The following CNKSR1 variants were observed in gnomAD, a reference collection of about 807,000 sequenced individuals.
CNKSR1 encodes the protein connector enhancer of kinase suppressor of Ras 1, also known as CNK homolog protein 1.
A neutral mutation model predicts 95.6 loss-of-function variants in CNKSR1; 88 were observed. The ratio of observed to expected loss-of-function variants is 0.92; its 90% CI spans 0.78 to 1.10. The LOEUF (loss-of-function observed/expected upper bound fraction) is 1.10. Among genes scored for constraint, CNKSR1 ranks in the 50% least tolerant of loss-of-function variants. The pLI is 0.00. For synonymous variants in CNKSR1, 355 were observed against 369.7 expected (o/e 0.96, Z 0.46); for missense variants, 836 against 912.0 (o/e 0.92, Z 1.07).
intron 14 of CNKSR1, among the ~76,000 whole-genome samples, chr1:26,185,830 C>T (rs922983794): frequency 2.0e-5 from 3 of 152,018 alleles, no homozygotes; most frequent in African/African-American, 4.8e-5. Flanking sequence ...CACATCTGGC[C>T]GAAAAATCAC....
intron 3 of CNKSR1, 164 bp downstream of exon 3, chr1:26,181,060 A>G: frequency 2.5e-6 from 2 of 803,090 alleles, no homozygotes; most frequent in Non-Finnish European, 4.1e-6. Context: ...CGGGCAGATC[A>G]CTTGAGGTCA....
intron 3 of CNKSR1, 150 bp downstream of exon 3, chr1:26,181,046 G>A (rs368108729): frequency 7.3e-5 from 66 of 897,992 alleles, no homozygotes; most frequent in East Asian, 3.7e-4. Context: ...TTGGGAGGCC[G>A]AAGCGGGCAG....
intron 3 of CNKSR1, chr1:26,181,596 A>C (rs953693734): frequency 6.7e-6 from 3 of 449,132 alleles, no homozygotes; most frequent in Non-Finnish European, 1.2e-5. Flanking sequence ...CATTACAGCC[A>C]AAGTTAAATT....
At position 26,188,325 on chromosome 1, in the gene CNKSR1, T is replaced by C; in HGVS notation, c.1528+18T>C. The C allele has an allele frequency of 1.9e-6, 3 of 1,613,380 alleles. No homozygotes were observed. Among genetic ancestry groups the C allele is most frequent in the Non-Finnish European group, 1.7e-6 (2 of 1,179,646 alleles). On this transcript the variant is annotated intron_variant, in intron 17 of 20. Coordinates refer to ENST00000361530, the MANE Select transcript of CNKSR1 (RefSeq NM_006314.3). ...AGAGGAAGGTAGGTGTCTCGCAGGG[T>C]TGAGTGGGAGGAACCCTCACCTGAG...
In CNKSR1 at chr1:26,189,742, C is replaced by T; in HGVS notation, c.*194C>T. On this transcript the variant is annotated 3_prime_UTR_variant, in exon 21 of 21. Transcript: ENST00000361530. ...TCTCCCTTGCCAAAGAAGAAACTCT[C>T]CCCCCAAATCCTCCAACCTCTGGGG... 1 of 701,118 alleles carries T rather than the reference C, an allele frequency of 1.4e-6. No individual in the cohort carries two copies. Among genetic ancestry groups the T allele is most frequent in the Non-Finnish European group, 2.6e-6 (1 of 385,278 alleles). The allele number at this position is 701,118 out of a possible 1,614,324, so 43.4% of individuals were successfully genotyped here.
chr1:26,184,378 T>C (rs780324234), intron 11 of CNKSR1, 23 bp from the exon 12 acceptor site: 6 of 1,608,480 alleles, frequency 3.7e-6, no homozygotes, highest in Non-Finnish European at 5.1e-6. Context: ...AGACTTTCCC[T>C]CTCTCTCCTC....
intron 14 of CNKSR1, among the ~76,000 whole-genome samples, chr1:26,185,643 C>T (rs1263565983): frequency 3.9e-5 from 6 of 152,074 alleles, no homozygotes; most frequent in East Asian, 3.9e-4. Context: ...CCACCTGCCT[C>T]GGCCTCCCAA....
At chr1:26,188,194 AG>A in intron 16 of CNKSR1, 39 bp from the exon 17 acceptor site, 1 of 1,570,564 alleles carries the variant, frequency 6.4e-7, no homozygotes, top group Non-Finnish European at 8.8e-7. Flanking sequence ...AGAGGGCCCC[AG>A]TGGATGGAAA....
rs902086036 is a variant in CNKSR1 at position 26,182,374 on chromosome 1, C to T, written c.491C>T (p.Ala164Val). 1.9e-6 allele frequency: 3 copies of T among 1,613,890 alleles called. No individual in the cohort carries two copies. The African/African-American group carries it at 4.0e-5, about 22-fold the overall frequency. Residue 164 changes from alanine (A) to valine (V), a missense_variant, in exon 5 of 21, where the codon GCT becomes GTT. Physicochemically the swap from Ala to Val is moderately conservative, Grantham distance 64. Coordinates refer to ENST00000361530, the MANE Select transcript of CNKSR1 (RefSeq NM_006314.3). ...TTCTACTTCCAGGATGGTCCAGCGG[C>T]TGAGAAGGAGGGCACAGTCCTGAGG... Reference protein sequence around the residue: ...SQVLHEDGPAAEKEGTVLRIC... With the variant: ...SQVLHEDGPAVEKEGTVLRIC...
chr1:26,183,057 A>G, intron 6 of CNKSR1, 140 bp from the exon 7 acceptor site: 1 of 862,802 alleles, frequency 1.2e-6, no homozygotes, highest in Non-Finnish European at 2.0e-6. Context: ...AAAGTCATAC[A>G]GCAAGTCTGG....
In CNKSR1 at chr1:26,183,734, A is replaced by T; in HGVS notation, c.759A>T (p.Gly253=). Reference sequence around the variant, plus strand: ...CCAGTGTTTCTGTCCCCCAGGTGGGATGGCCCCGTAAGAACATGGTGAGGG... The same window carrying T: ...CCAGTGTTTCTGTCCCCCAGGTGGGTTGGCCCCGTAAGAACATGGTGAGGG... The part of the protein sequence containing the change: ...VVQINEQVVV[G]WPRKNMVREL... The change falls in exon 9 of 21, where the codon GGA becomes GGT. Residue 253 remains glycine (G), a synonymous_variant. Coordinates refer to ENST00000361530, the MANE Select transcript of CNKSR1 (RefSeq NM_006314.3). The T allele has an allele frequency of 6.2e-7, 1 of 1,611,450 alleles. No homozygotes were observed. The highest frequency in any genetic ancestry group is 8.5e-7 in the Non-Finnish European group (1 of 1,177,712).
At position 26,188,944 on chromosome 1, in the gene CNKSR1, C is replaced by T; in HGVS notation, c.1863C>T (p.Ser621=). Residue 621 remains serine, a synonymous_variant, in exon 20 of 21, where the codon AGC becomes AGT. Transcript: ENST00000361530. ...ERVHRVRALQ[S]TLKAKLQELQ... The stretch of plus-strand genomic sequence containing the variant: ...TGCACCGTGTGCGGGCGCTACAGAG[C>T]ACACTCAAGGTCAGCTGGGGGGCTC... 6.2e-7 allele frequency: 1 copy of T among 1,613,400 alleles called. No individual in the cohort carries two copies. Among genetic ancestry groups the T allele is most frequent in the South Asian group, 1.1e-5 (1 of 91,074 alleles).
At position 26,183,852 on chromosome 1, in the gene CNKSR1, C is replaced by T. The variant is rs200219271; in HGVS notation, c.855+22C>T. ...ACAGGTACCTTCCCCTGCCGCCCCC[C>T]GACCTGCCTTCAGACCCCCCCCTCC... On this transcript the variant is annotated intron_variant, in intron 9 of 20. Transcript: ENST00000361530. 1.1e-3 allele frequency: 1,005 copies of T among 940,868 alleles called. 4 individuals carry two copies. The African/African-American group carries it at 0.012, about 11-fold the overall frequency. 58.3% of individuals were successfully genotyped at this position (940,868 alleles called of 1,614,324 possible).
chr1:26,178,907 CAA>C (rs1293077249), intron 1 of CNKSR1, among the ~76,000 whole-genome samples: 1 of 152,030 alleles, frequency 6.6e-6, no homozygotes, highest in Non-Finnish European at 1.5e-5. Flanking sequence ...CCAGTGCTCT[CAA>C]TGTGACACAG....
chr1:26,187,276 A>G (rs1256966193), intron 15 of CNKSR1, 35 bp downstream of exon 15: 4 of 1,600,906 alleles, frequency 2.5e-6, no homozygotes, highest in Non-Finnish European at 3.4e-6. Flanking sequence ...TGGGGGATGG[A>G]GACAGAAAGG....
chr1:26,180,620 T>G lies in CNKSR1; in HGVS notation c.210+10T>G. The G allele has an allele frequency of 1.9e-6, 3 of 1,614,176 alleles. No individual in the cohort carries two copies. The East Asian group carries it at 6.7e-5, about 36-fold the overall frequency. On this transcript the variant is annotated intron_variant, in intron 2 of 20. Coordinates refer to ENST00000361530, the MANE Select transcript of CNKSR1 (RefSeq NM_006314.3). ...ACAGCTCCAGGCCCTGGTGAGTGAA[T>G]GCTGGTCACACTGGCTGCAGCTTCC...
Position 26,188,934 on chromosome 1 carries a change from C to A in CNKSR1, c.1853C>A (p.Ala618Glu). 6.2e-7 allele frequency: 1 copy of A among 1,613,642 alleles called. No homozygotes were observed. The highest frequency in any genetic ancestry group is 8.5e-7 in the Non-Finnish European group (1 of 1,179,922). Residue 618 changes from alanine (A) to glutamate (E), a missense_variant, in exon 20 of 21, where the codon GCG becomes GAG. Coordinates refer to ENST00000361530, the MANE Select transcript of CNKSR1 (RefSeq NM_006314.3). Reference sequence around the variant, plus strand: ...AATGAGCGAGTGCACCGTGTGCGGGCGCTACAGAGCACACTCAAGGTCAGC... The same window carrying A: ...AATGAGCGAGTGCACCGTGTGCGGGAGCTACAGAGCACACTCAAGGTCAGC... The part of the protein sequence containing the change: ...QLNERVHRVR[A>E]LQSTLKAKLQ...
At position 26,187,488 on chromosome 1, in the gene CNKSR1, T is replaced by G; in HGVS notation, c.1454+6T>G. ...ACCCTGACAGATCTGAGCATGTGAG[T>G]GCCGCCTCCCTTAGCCCCTACTCTC... is the stretch of plus-strand genomic sequence containing the variant. On this transcript the variant is annotated splice_donor_region_variant and intron_variant, in intron 16 of 20. Transcript: ENST00000361530. 6.2e-7 allele frequency: 1 copy of G among 1,613,914 alleles called. No homozygotes were observed. The highest frequency in any genetic ancestry group is 8.5e-7 in the Non-Finnish European group (1 of 1,179,862).
At chr1:26,182,450 C>G (rs773722688) in intron 5 of CNKSR1, 30 bp from the exon 6 acceptor site, 2 of 1,613,122 alleles carry the variant, frequency 1.2e-6, no homozygotes, top group Non-Finnish European at 1.7e-6. Context: ...CGATCGGGCT[C>G]AGGCTACATA....
Sources: allele counts gnomAD v4.1 joint callset (sites outside exome capture counted in the v4.1 genomes callset), GRCh38; gene constraint gnomAD v4.1.1; transcripts MANE v1.5; gene names NCBI Gene and HGNC (gene_info 2026-07-23, HGNC 2026-07-21).